The following CHRM3 variants were observed in gnomAD, a reference collection of about 807,000 sequenced individuals.
The protein encoded by CHRM3 is muscarinic acetylcholine receptor M3.
In CHRM3, 11 loss-of-function variants were observed where a neutral mutation model predicts 41.8. The observed-to-expected ratio is 0.26, with a 90% CI of 0.17 to 0.44. CHRM3 has a LOEUF of 0.44. Among genes scored for constraint, CHRM3 ranks in the 20% least tolerant of loss-of-function variants. The pLI is 1.00. For missense variants in CHRM3, 571 were observed against 745.4 expected (o/e 0.77, Z 2.72); for synonymous variants, 297 against 301.4 (o/e 0.99, Z 0.15).
At chr1:239,855,065 T>C (rs1674995026) in intron 6 of CHRM3, among the ~76,000 whole-genome samples, 2 of 152,172 alleles carry the variant, frequency 1.3e-5, no homozygotes, top group Non-Finnish European at 2.9e-5. Context: ...ACTTTGCAAA[T>C]TGAAATAGGT....
At chr1:239,713,615 G>A (rs1045577668) in intron 5 of CHRM3, among the ~76,000 whole-genome samples, 8 of 152,112 alleles carry the variant, frequency 5.3e-5, no homozygotes, top group African/African-American at 1.9e-4. Flanking sequence ...TCTATGTTGG[G>A]CTTAGTTATT....
intron 5 of CHRM3, among the ~76,000 whole-genome samples, chr1:239,736,137 T>A (rs1393959264): frequency 6.6e-6 from 1 of 152,096 alleles, no homozygotes; most frequent in East Asian, 1.9e-4. Context: ...TAAAGTGCTT[T>A]ATAAATATTA....
intron 1 of CHRM3, among the ~76,000 whole-genome samples, chr1:239,428,258 G>A (rs1218083924): frequency 6.6e-6 from 1 of 152,220 alleles, no homozygotes; most frequent in Non-Finnish European, 1.5e-5. Context: ...GACAGTAGCA[G>A]ATGCAAGAGC....
chr1:239,478,148 A>G (rs1003007657), intron 1 of CHRM3, among the ~76,000 whole-genome samples: 2 of 152,198 alleles, frequency 1.3e-5, no homozygotes, highest in African/African-American at 4.8e-5. Context: ...TGCTGGTGCT[A>G]AGTTCCCAAG....
chr1:239,632,324 AG>A (rs1669944316), intron 4 of CHRM3, 38 bp downstream of exon 4: 1 of 152,234 alleles, frequency 6.6e-6, no homozygotes, highest in African/African-American at 2.4e-5. Context: ...TTCCTTGAAA[AG>A]GGGGATTGAT....
chr1:239,422,662 G>A (rs1478268827), intron 1 of CHRM3, among the ~76,000 whole-genome samples: 1 of 151,964 alleles, frequency 6.6e-6, no homozygotes, highest in East Asian at 1.9e-4. Flanking sequence ...AGGCATGGTG[G>A]CGTGTGCCTG....
At chr1:239,594,049 CT>C (rs1664504376) in intron 3 of CHRM3, among the ~76,000 whole-genome samples, 2 of 152,232 alleles carry the variant, frequency 1.3e-5, no homozygotes, top group Admixed American at 6.5e-5. Context: ...AGCAGGTATC[CT>C]TTTTTCTCCC....
chr1:239,503,570 A>G (rs1668379355), intron 2 of CHRM3, among the ~76,000 whole-genome samples: 1 of 152,166 alleles, frequency 6.6e-6, no homozygotes, highest in South Asian at 2.1e-4. Flanking sequence ...TCTAAAAATA[A>G]TATGAAACAA....
intron 6 of CHRM3, among the ~76,000 whole-genome samples, chr1:239,870,992 G>A (rs888649095): frequency 7.9e-5 from 12 of 151,980 alleles, no homozygotes; most frequent in Non-Finnish European, 8.8e-5. Flanking sequence ...TGGCGGGGAC[G>A]TGCTGCTCTT....
intron 6 of CHRM3, among the ~76,000 whole-genome samples, chr1:239,885,238 G>T (rs1181310638): frequency 2.0e-5 from 3 of 152,162 alleles, no homozygotes; most frequent in African/African-American, 4.8e-5. Flanking sequence ...AGTCCTCTAG[G>T]ACTGTCATTC....
Position 239,423,878 on chromosome 1 carries a change from A to T in CHRM3, c.-521+36651A>T, listed in dbSNP as rs181644602. 1.8e-4 allele frequency among the ~76,000 whole-genome samples: 28 copies of T among 151,898 alleles called. 1 individual carries two copies. Among genetic ancestry groups the T allele is most frequent in the African/African-American group, 6.5e-4 (27 of 41,438 alleles). On this transcript the variant is annotated intron_variant, in intron 1 of 6. Transcript: ENST00000676153. Reference sequence around the variant, plus strand: ...AGACCATCCTGGCTAACACGGTGAAACCCCATCTCTACTTGAAATACAAAA... The same window carrying T: ...AGACCATCCTGGCTAACACGGTGAATCCCCATCTCTACTTGAAATACAAAA...
chr1:239,407,152 C>A (rs1191628516), intron 1 of CHRM3, among the ~76,000 whole-genome samples: 1 of 152,022 alleles, frequency 6.6e-6, no homozygotes, highest in Non-Finnish European at 1.5e-5. Context: ...TTGAAATGAT[C>A]TTTTTCCAGA....
At chr1:239,413,498 G>A (rs1332034093) in intron 1 of CHRM3, among the ~76,000 whole-genome samples, 1 of 152,108 alleles carries the variant, frequency 6.6e-6, no homozygotes, top group South Asian at 2.1e-4. Flanking sequence ...ATGTTGGCCA[G>A]GCTGGTCTTG....
intron 6 of CHRM3, among the ~76,000 whole-genome samples, chr1:239,855,367 GT>G (rs1553285096): frequency 6.6e-6 from 1 of 152,132 alleles, no homozygotes; most frequent in Non-Finnish European, 1.5e-5. Context: ...ACCTAACTCA[GT>G]GTTGACACAT....
At chr1:239,702,819 G>A (rs1660809667) in intron 5 of CHRM3, among the ~76,000 whole-genome samples, 1 of 152,186 alleles carries the variant, frequency 6.6e-6, no homozygotes. Flanking sequence ...ATATTTCTGT[G>A]CAGACCTGAA....
chr1:239,497,158 CTTTTT>C (rs1667938752), intron 2 of CHRM3, among the ~76,000 whole-genome samples: 1 of 152,052 alleles, frequency 6.6e-6, no homozygotes, highest in African/African-American at 2.4e-5. Context: ...CATGGCCTTT[CTTTTT>C]ATCATTTGGG....
chr1:239,480,568 T>G (rs1188460355), intron 1 of CHRM3, among the ~76,000 whole-genome samples: 1 of 144,750 alleles, frequency 6.9e-6, no homozygotes, highest in Non-Finnish European at 1.5e-5. Flanking sequence ...TTTTTTTTTT[T>G]TTTGTTGAGA....
At chr1:239,804,141 G>A (rs1004617670) in intron 5 of CHRM3, among the ~76,000 whole-genome samples, 2 of 152,116 alleles carry the variant, frequency 1.3e-5, no homozygotes, top group Non-Finnish European at 2.9e-5. Context: ...ATTTTACTGT[G>A]AAAATCCATG....
chr1:239,663,157 G>C (rs1169446490), intron 4 of CHRM3, among the ~76,000 whole-genome samples: 1 of 152,016 alleles, frequency 6.6e-6, no homozygotes. Context: ...AGGTGCCTCT[G>C]TTCTGCCCAC....
Sources: gnomAD v4.1 joint callset for allele counts (sites outside exome capture counted in the v4.1 genomes callset) on GRCh38, gnomAD v4.1.1 for gene constraint, MANE v1.5 for transcripts, NCBI Gene and HGNC (gene_info 2026-07-23, HGNC 2026-07-21) for gene names.